The following GLRA1 variants were observed in gnomAD, a reference collection of about 807,000 sequenced individuals.
The protein encoded by GLRA1 is glycine receptor subunit alpha-1.
Under a neutral mutation model 48.3 loss-of-function variants are expected in GLRA1, and 37 were observed. That is an observed-to-expected ratio of 0.77 (90% CI 0.59 to 1.01). GLRA1 has a LOEUF of 1.01. Among genes scored for constraint, GLRA1 ranks in the 50% least tolerant of loss-of-function variants. The pLI is 0.00. For synonymous variants in GLRA1, 196 were observed against 210.7 expected (o/e 0.93, Z 0.60); for missense variants, 427 against 571.0 (o/e 0.75, Z 2.57).
intron 7 of GLRA1, among the ~76,000 whole-genome samples, chr5:151,847,960 AAT>A (rs1752722089): frequency 6.6e-6 from 1 of 152,274 alleles, no homozygotes; most frequent in South Asian, 2.1e-4. Flanking sequence ...AATGGAGCAG[AAT>A]GCTGTGTCTA....
At chr5:151,919,819 C>T (rs546868652) in intron 1 of GLRA1, among the ~76,000 whole-genome samples, 1 of 152,206 alleles carries the variant, frequency 6.6e-6, no homozygotes, top group Non-Finnish European at 1.5e-5. Flanking sequence ...TTGTTTAATG[C>T]GAACCTGCAG....
chr5:151,908,063 G>A (rs117800146), intron 1 of GLRA1, among the ~76,000 whole-genome samples: 9 of 152,298 alleles, frequency 5.9e-5, no homozygotes, highest in Admixed American at 2.6e-4. Context: ...AGGAAGGGCC[G>A]CCCTTCTGAG....
chr5:151,900,071 T>G (rs765780121), intron 1 of GLRA1, among the ~76,000 whole-genome samples: 10 of 152,140 alleles, frequency 6.6e-5, no homozygotes, highest in Non-Finnish European at 1.2e-4. Context: ...AGCATCAGTT[T>G]CCATGTTTTC....
chr5:151,900,588 T>G (rs182441306), intron 1 of GLRA1, among the ~76,000 whole-genome samples: 41 of 152,310 alleles, frequency 2.7e-4, no homozygotes, highest in Non-Finnish European at 4.6e-4. Flanking sequence ...AAACTGAGGC[T>G]TAATCAATTT....
chr5:151,862,084 T>C (rs1304442314), intron 3 of GLRA1, among the ~76,000 whole-genome samples: 1 of 152,102 alleles, frequency 6.6e-6, no homozygotes. Context: ...AAAACAGAGA[T>C]ATAGACCAAT....
chr5:151,888,560 A>G (rs1753978645), intron 2 of GLRA1, among the ~76,000 whole-genome samples: 1 of 152,174 alleles, frequency 6.6e-6, no homozygotes, highest in African/African-American at 2.4e-5. Flanking sequence ...CTTAAAGGTC[A>G]CCTCATCAAT....
intron 6 of GLRA1, among the ~76,000 whole-genome samples, chr5:151,852,057 CTTCTTTCCTCATACAAGGCAG>C (rs1484485786): frequency 6.6e-6 from 1 of 152,110 alleles, no homozygotes; most frequent in East Asian, 1.9e-4. Context: ...TGGTCTCATC[CTTCTTTCCTCATACAAGGCAG>C]TTCCCATTAC....
At chr5:151,912,141 C>T (rs1225720587) in intron 1 of GLRA1, among the ~76,000 whole-genome samples, 7 of 151,858 alleles carry the variant, frequency 4.6e-5, no homozygotes, top group African/African-American at 1.2e-4. Context: ...TTTTCTGGGC[C>T]GTATCACCTC....
chr5:151,848,997 A>T, intron 7 of GLRA1: 1 of 685,764 alleles, frequency 1.5e-6, no homozygotes, highest in Non-Finnish European at 2.8e-6. Flanking sequence ...GGTACTGGAG[A>T]AGGATGGCGC....
chr5:151,831,188 C>T (rs374382742), intron 7 of GLRA1, among the ~76,000 whole-genome samples: 1 of 152,254 alleles, frequency 6.6e-6, no homozygotes, highest in Non-Finnish European at 1.5e-5. Flanking sequence ...CCTGTGCCAC[C>T]AGGGCCCTGG....
intron 7 of GLRA1, among the ~76,000 whole-genome samples, chr5:151,840,203 C>T (rs1763680676): frequency 6.6e-6 from 1 of 151,910 alleles, no homozygotes; most frequent in Non-Finnish European, 1.5e-5. Context: ...AAGCAGTCCT[C>T]CCACCTCAGC....
At chr5:151,910,301 A>G (rs1383203076) in intron 1 of GLRA1, among the ~76,000 whole-genome samples, 1 of 152,138 alleles carries the variant, frequency 6.6e-6, no homozygotes, top group Admixed American at 6.5e-5. Context: ...TAAAAAATAT[A>G]TTTTCCAGCT....
At chr5:151,851,994 A>G (rs950845730) in intron 6 of GLRA1, among the ~76,000 whole-genome samples, 11 of 152,164 alleles carry the variant, frequency 7.2e-5, no homozygotes, top group African/African-American at 2.7e-4. Context: ...CCTTTCTGCC[A>G]GTTATCTTCC....
At chr5:151,852,607 G>T (rs1752941673) in intron 6 of GLRA1, among the ~76,000 whole-genome samples, 1 of 152,254 alleles carries the variant, frequency 6.6e-6, no homozygotes, top group South Asian at 2.1e-4. Context: ...ACTGTAAGCT[G>T]TAGGCAGGGA....
At chr5:151,878,242 G>A (rs1365042055) in intron 3 of GLRA1, among the ~76,000 whole-genome samples, 1 of 152,152 alleles carries the variant, frequency 6.6e-6, no homozygotes, top group Non-Finnish European at 1.5e-5. Flanking sequence ...TTTTGCCCCT[G>A]CCCCAGAGAT....
chr5:151,824,892 G>A (rs1330661929), intron 8 of GLRA1, among the ~76,000 whole-genome samples: 3 of 151,974 alleles, frequency 2.0e-5, no homozygotes, highest in Non-Finnish European at 2.9e-5. Context: ...CTCAAAACTT[G>A]GTATATGTTT....
intron 1 of GLRA1, among the ~76,000 whole-genome samples, chr5:151,904,088 T>C (rs1026246201): frequency 4.6e-5 from 7 of 152,222 alleles, no homozygotes; most frequent in Non-Finnish European, 1.0e-4. Flanking sequence ...AAAAGTATCA[T>C]TGACACCTTG....
At chr5:151,875,467 C>T (rs888843160) in intron 3 of GLRA1, 1 of 152,242 alleles carries the variant, frequency 6.6e-6, no homozygotes. Flanking sequence ...AACAACCACA[C>T]CTGGCTATAA....
rs1382856919 is a variant in GLRA1, at chr5:151,826,060, T to C, written c.1059+2861A>G. Among the ~76,000 whole-genome samples the C allele has an allele frequency of 2.6e-5, 4 of 152,168 alleles. No individual in the cohort carries two copies. In the East Asian group the frequency reaches 7.7e-4, roughly 29 times the overall value. On this transcript the variant is annotated intron_variant, in intron 8 of 8. Transcript: ENST00000274576. Reference sequence around the variant, plus strand: ...ATGAGATTACGTTAATTCAAATGCATAGAAGGAGGCAGGCAGGAGAAATGT... The same window carrying C: ...ATGAGATTACGTTAATTCAAATGCACAGAAGGAGGCAGGCAGGAGAAATGT...
Sources: gnomAD v4.1 joint callset for allele counts (sites outside exome capture counted in the v4.1 genomes callset) on GRCh38, gnomAD v4.1.1 for gene constraint, MANE v1.5 for transcripts, NCBI Gene and HGNC (gene_info 2026-07-23, HGNC 2026-07-21) for gene names.